The following RFC3 variants were observed in gnomAD, a reference collection of about 807,000 sequenced individuals.
The protein encoded by RFC3 is A1 38 kDa subunit.
Under a neutral mutation model 45.1 loss-of-function variants are expected in RFC3, and 41 were observed. The observed-to-expected ratio is 0.91, with a 90% confidence interval of 0.71 to 1.18. The LOEUF (loss-of-function observed/expected upper bound fraction) is 1.18, where lower values mean the gene tolerates loss of function less well. RFC3 is among the 50% of genes most tolerant of loss of function. The pLI is 0.00. For synonymous variants in RFC3, 149 were observed against 144.0 expected, an observed-to-expected ratio of 1.03 and a Z score of -0.25; for missense variants, 423 against 428.1, an observed-to-expected ratio of 0.99 and a Z score of 0.10.
chr13:33,841,765 T>C (rs2082200411), downstream of RFC3, among the ~76,000 whole-genome samples: 1 of 152,118 alleles, frequency 6.6e-6, no homozygotes, highest in Non-Finnish European at 1.5e-5. Context: ...TTGTAAACTT[T>C]TTTGGAGTAG....
At chr13:33,891,111 C>T (rs2082560737) in intron 8 of RFC3, among the ~76,000 whole-genome samples, 1 of 151,992 alleles carries the variant, frequency 6.6e-6, no homozygotes, top group African/African-American at 2.4e-5. Context: ...CTGAAGACTC[C>T]ACCACGTTTA....
chr13:33,818,395 A>C, intron 1 of RFC3, 130 bp downstream of exon 1: 1 of 671,052 alleles, frequency 1.5e-6, no homozygotes, highest in East Asian at 2.8e-5. Context: ...AAAATAACAC[A>C]GGGAAGGGGG....
chr13:33,899,320 A>G (rs890559251), intron 8 of RFC3, among the ~76,000 whole-genome samples: 6 of 151,860 alleles, frequency 4.0e-5, no homozygotes, highest in Middle Eastern at 3.2e-3. Context: ...CAATACATTA[A>G]TAAGATCATT....
intron 8 of RFC3, among the ~76,000 whole-genome samples, chr13:33,960,902 T>A (rs1373412925): frequency 6.6e-6 from 1 of 152,184 alleles, no homozygotes; most frequent in Non-Finnish European, 1.5e-5. Context: ...GATCCCCCCC[T>A]CTTGTTCTAT....
intron 8 of RFC3, among the ~76,000 whole-genome samples, chr13:33,946,409 A>G (rs2082954657): frequency 6.6e-6 from 1 of 152,268 alleles, no homozygotes; most frequent in South Asian, 2.1e-4. Flanking sequence ...TTTTACTCTT[A>G]AAAGTTATTG....
At chr13:33,828,203 A>G (rs1252593213) in intron 4 of RFC3, among the ~76,000 whole-genome samples, 1 of 152,066 alleles carries the variant, frequency 6.6e-6, no homozygotes, top group Non-Finnish European at 1.5e-5. Context: ...TCTGAGCTCT[A>G]TTCCCTATCT....
intron 8 of RFC3, among the ~76,000 whole-genome samples, chr13:33,856,007 A>G (rs992687076): frequency 6.6e-6 from 1 of 152,144 alleles, no homozygotes; most frequent in Non-Finnish European, 1.5e-5. Context: ...CCTTTGTTGC[A>G]ATTGCTTTTA....
intron 8 of RFC3, among the ~76,000 whole-genome samples, chr13:33,853,974 C>T (rs988495410): frequency 2.6e-5 from 4 of 152,218 alleles, no homozygotes; most frequent in Non-Finnish European, 5.9e-5. Context: ...ACAGTCATCA[C>T]GGGGAGATAC....
chr13:33,878,443 T>G (rs552464089), intron 8 of RFC3, among the ~76,000 whole-genome samples: 1 of 152,184 alleles, frequency 6.6e-6, no homozygotes, highest in African/African-American at 2.4e-5. Context: ...GATTTGATGA[T>G]GGGCTGGAAA....
intron 8 of RFC3, among the ~76,000 whole-genome samples, chr13:33,898,395 C>G (rs1057161796): frequency 2.0e-5 from 3 of 151,754 alleles, no homozygotes; most frequent in African/African-American, 4.8e-5. Flanking sequence ...AAACAACATG[C>G]TCCTGAACAA....
chr13:33,867,230 T>C (rs756845976), intron 8 of RFC3, among the ~76,000 whole-genome samples: 3 of 152,202 alleles, frequency 2.0e-5, no homozygotes, highest in Non-Finnish European at 4.4e-5. Context: ...AAATCCAGAA[T>C]ACACTCTAAA....
At chr13:33,855,542 G>A (rs750593046) in intron 8 of RFC3, among the ~76,000 whole-genome samples, 1 of 152,146 alleles carries the variant, frequency 6.6e-6, no homozygotes, top group Non-Finnish European at 1.5e-5. Flanking sequence ...GGTCTTTGAG[G>A]AAGTGCCACA....
intron 8 of RFC3, chr13:33,848,648 A>T (rs571471566): frequency 3.1e-4 from 47 of 152,124 alleles, no homozygotes; most frequent in African/African-American, 1.0e-3. Context: ...TCCCTTGTAG[A>T]TGGATGTTGC....
At chr13:33,943,638 G>C (rs2082937887) in intron 8 of RFC3, among the ~76,000 whole-genome samples, 1 of 152,116 alleles carries the variant, frequency 6.6e-6, no homozygotes, top group South Asian at 2.1e-4. Context: ...AAAAATAAAA[G>C]ATGTTGGATG....
At chr13:33,956,839 T>A (rs1437869983) in intron 8 of RFC3, among the ~76,000 whole-genome samples, 1 of 152,226 alleles carries the variant, frequency 6.6e-6, no homozygotes, top group East Asian at 1.9e-4. Flanking sequence ...AAGTTGTATA[T>A]GTGTGTTAGT....
At chr13:33,869,574 T>C (rs1337951034) in intron 8 of RFC3, among the ~76,000 whole-genome samples, 1 of 152,212 alleles carries the variant, frequency 6.6e-6, no homozygotes, top group African/African-American at 2.4e-5. Flanking sequence ...TCTTGTGCCA[T>C]CTGTTCCCAA....
intron 7 of RFC3, among the ~76,000 whole-genome samples, chr13:33,834,305 T>TAC (rs1169101197): frequency 8.7e-4 from 98 of 112,624 alleles, no homozygotes; most frequent in Middle Eastern, 4.2e-3. Flanking sequence ...TGTGTATATA[T>TAC]ATATATATAT....
chr13:33,925,972 T>C (rs976789169), intron 8 of RFC3, among the ~76,000 whole-genome samples: 7 of 151,980 alleles, frequency 4.6e-5, no homozygotes, highest in Non-Finnish European at 8.8e-5. Context: ...TGTCCAACAA[T>C]GATAGACTGG....
chr13:33,843,091 C>G (rs1424333749), intron 8 of RFC3, among the ~76,000 whole-genome samples: 1 of 151,134 alleles, frequency 6.6e-6, no homozygotes. Context: ...AACAAAAAAA[C>G]AAAAAAAACC....
Sources: allele counts gnomAD v4.1 joint callset (sites outside exome capture counted in the v4.1 genomes callset), GRCh38; gene constraint gnomAD v4.1.1; transcripts MANE v1.5; gene names NCBI Gene and HGNC (gene_info 2026-07-23, HGNC 2026-07-21).